Variants in USP48 observed in about 807,000 individuals in gnomAD.
USP48 encodes the protein ubiquitin specific peptidase 48, also known as ubiquitin carboxyl-terminal hydrolase 48.
A neutral mutation model predicts 150.7 loss-of-function variants in USP48; 43 were observed. The ratio of observed to expected loss-of-function variants is 0.29; its 90% CI spans 0.22 to 0.37. The LOEUF (loss-of-function observed/expected upper bound fraction) is 0.37. USP48 is among the 10% of genes least tolerant of loss of function. The probability of loss-of-function intolerance (pLI) is 1.00; values close to 1 mark genes in which losing one functional copy is unlikely to be tolerated. For synonymous variants in USP48, 396 were observed against 425.9 expected, an observed-to-expected ratio of 0.93 and a Z score of 0.86; for missense variants, 813 against 1,249.6, an observed-to-expected ratio of 0.65 and a Z score of 5.27.
At chr1:21,704,106 A>G (rs532728912) in intron 20 of USP48, among the ~76,000 whole-genome samples, 156 bp downstream of exon 20, 1 of 152,320 alleles carries the variant, frequency 6.6e-6, no homozygotes, top group East Asian at 1.9e-4. Context: ...CCATAAATAA[A>G]CGTACAAATA....
chr1:21,724,357 T>G (rs924574107), intron 11 of USP48: 5 of 593,146 alleles, frequency 8.4e-6, no homozygotes, highest in African/African-American at 5.6e-5. Flanking sequence ...AACCACATTC[T>G]ACAAGAGGCA....
chr1:21,770,022 C>A (rs112310042), intron 1 of USP48, among the ~76,000 whole-genome samples: 11 of 152,134 alleles, frequency 7.2e-5, no homozygotes, highest in African/African-American at 2.6e-4. Context: ...TACTCACACA[C>A]TGAAATAATG....
intron 22 of USP48, among the ~76,000 whole-genome samples, chr1:21,698,561 T>C (rs1279377514): frequency 6.6e-6 from 1 of 152,178 alleles, no homozygotes; most frequent in African/African-American, 2.4e-5. Flanking sequence ...AAATAACTCT[T>C]AGGGTGAAAA....
intron 1 of USP48, among the ~76,000 whole-genome samples, chr1:21,765,650 A>G (rs2097859972): frequency 6.6e-6 from 1 of 151,670 alleles, no homozygotes; most frequent in South Asian, 2.1e-4. Context: ...GAAGCTGAAC[A>G]AGGCATGAGA....
At chr1:21,774,579 C>G (rs1447388182) in intron 1 of USP48, among the ~76,000 whole-genome samples, 4 of 151,828 alleles carry the variant, frequency 2.6e-5, no homozygotes, top group Non-Finnish European at 5.9e-5. Flanking sequence ...CCCAGCTACT[C>G]AGGAGGCTGA....
chr1:21,714,542 T>G (rs913552883), intron 15 of USP48, among the ~76,000 whole-genome samples: 3 of 152,052 alleles, frequency 2.0e-5, no homozygotes, highest in African/African-American at 7.2e-5. Context: ...GGATTATAGG[T>G]GCAAGCTACA....
At chr1:21,745,801 C>T (rs2097793200) in intron 8 of USP48, among the ~76,000 whole-genome samples, 1 of 152,176 alleles carries the variant, frequency 6.6e-6, no homozygotes, top group South Asian at 2.1e-4. Flanking sequence ...AAGCCACTAA[C>T]CCATTAGATT....
At chr1:21,706,925 T>C in intron 15 of USP48, 57 bp from the exon 16 acceptor site, 1 of 1,540,770 alleles carries the variant, frequency 6.5e-7, no homozygotes. Flanking sequence ...AAAGTCATTA[T>C]CTATTTCCTA....
chr1:21,721,827 T>C, intron 12 of USP48, 63 bp from the exon 13 acceptor site: 1 of 1,243,016 alleles, frequency 8.0e-7, no homozygotes, highest in South Asian at 1.7e-5. Context: ...GTTAGGAAAA[T>C]GTTTTCAGCA....
chr1:21,730,657 T>TG (rs1300574031), intron 9 of USP48, among the ~76,000 whole-genome samples: 1 of 151,458 alleles, frequency 6.6e-6, no homozygotes. Flanking sequence ...CACTCCTGTC[T>TG]GGGGGACAGA....
chr1:21,740,398 C>A (rs1464880713), intron 8 of USP48, among the ~76,000 whole-genome samples: 1 of 152,228 alleles, frequency 6.6e-6, no homozygotes, highest in African/African-American at 2.4e-5. Flanking sequence ...TGAATCTGCT[C>A]TCCACAGGAA....
intron 26 of USP48, among the ~76,000 whole-genome samples, chr1:21,679,831 T>C (rs2097560646): frequency 6.6e-6 from 1 of 152,172 alleles, no homozygotes; most frequent in Admixed American, 6.5e-5. Context: ...GTAGCTGAGA[T>C]TACAGGCGCA....
chr1:21,736,067 T>C (rs1345488709), intron 9 of USP48, among the ~76,000 whole-genome samples: 1 of 151,834 alleles, frequency 6.6e-6, no homozygotes, highest in Non-Finnish European at 1.5e-5. Flanking sequence ...AGAGTAAGAC[T>C]CTCTCTTACT....
At chr1:21,760,197 T>A (rs1224679501) in intron 1 of USP48, among the ~76,000 whole-genome samples, 4 of 152,114 alleles carry the variant, frequency 2.6e-5, no homozygotes, top group Non-Finnish European at 5.9e-5. Context: ...CAAAGAAAGA[T>A]TCACTAACAG....
At chr1:21,702,113 C>G (rs972946121) in intron 21 of USP48, among the ~76,000 whole-genome samples, 1 of 152,016 alleles carries the variant, frequency 6.6e-6, no homozygotes, top group African/African-American at 2.4e-5. Context: ...TACCAGAGAA[C>G]AAAAGATTTA....
At chr1:21,738,357 C>CT (rs1269797546) in intron 8 of USP48, among the ~76,000 whole-genome samples, 3,740 of 91,342 alleles carry the variant, frequency 0.041, 93 homozygotes, top group African/African-American at 0.091. Flanking sequence ...CACGCCTGGC[C>CT]TTTTTTTTTT....
At chr1:21,769,441 G>A (rs926738897) in intron 1 of USP48, among the ~76,000 whole-genome samples, 5 of 151,792 alleles carry the variant, frequency 3.3e-5, no homozygotes, top group Non-Finnish European at 7.4e-5. Context: ...TTGAGGCAGG[G>A]TCTCGCTGTC....
Position 21,706,470 on chromosome 1 carries a change from T to C in USP48, c.2208A>G (p.Pro736=). ...DKNRPCLSNW[P]EDTDVLYIVS... is the part of the protein sequence containing the mutation. ...TCTTTTGTGGGAATCATTATACCTC[T>C]GGCCAGTTACTGAGACACGGTCTGT... is the stretch of plus-strand genomic sequence containing the variant. The change falls in exon 17 of 27, where the codon CCA becomes CCG. Residue 736 remains proline (P), a synonymous_variant. Coordinates refer to ENST00000308271, the MANE Select transcript of USP48 (RefSeq NM_032236.8). 1.2e-6 allele frequency: 2 copies of C among 1,614,192 alleles called. No homozygotes were observed. The highest frequency in any genetic ancestry group is 1.7e-6 in the Non-Finnish European group (2 of 1,180,024).
At chr1:21,753,701 C>T (rs2097823292) in intron 3 of USP48, among the ~76,000 whole-genome samples, 1 of 151,200 alleles carries the variant, frequency 6.6e-6, no homozygotes, top group African/African-American at 2.4e-5. Context: ...GTGGCGAGCA[C>T]CTGTAATCCC....
Sources: allele counts gnomAD v4.1 joint callset (sites outside exome capture counted in the v4.1 genomes callset), GRCh38; gene constraint gnomAD v4.1.1; transcripts MANE v1.5; gene names NCBI Gene and HGNC (gene_info 2026-07-23, HGNC 2026-07-21).